Variants in KCNB2 observed in about 807,000 individuals in gnomAD.
The protein encoded by KCNB2 is potassium voltage-gated channel subfamily B member 2, also known as delayed rectifier potassium channel protein.
KCNB2 carries 15 observed loss-of-function variants against 61.5 expected under a neutral mutation model. The ratio of observed to expected loss-of-function variants is 0.24; its 90% CI spans 0.16 to 0.38. KCNB2 has a LOEUF of 0.38. Ranked by LOEUF, KCNB2 falls within the 10% of genes least tolerant of loss-of-function variation. KCNB2 has a pLI of 1.00. For missense variants in KCNB2, 828 were observed against 1,125.2 expected (o/e 0.74, Z 3.78); for synonymous variants, 457 against 446.0 (o/e 1.02, Z -0.31).
chr8:72,720,287 T>C (rs1223512101), intron 2 of KCNB2, among the ~76,000 whole-genome samples: 1 of 152,204 alleles, frequency 6.6e-6, no homozygotes, highest in Non-Finnish European at 1.5e-5. Flanking sequence ...ATAATGGTCA[T>C]GTATAGAAGA....
At chr8:72,764,806 G>A (rs547430507) in intron 2 of KCNB2, among the ~76,000 whole-genome samples, 5 of 152,136 alleles carry the variant, frequency 3.3e-5, no homozygotes, top group Admixed American at 6.6e-5. Flanking sequence ...AGCACTAAGA[G>A]GCTGGCTTGT....
At chr8:72,919,994 G>A (rs183049849) in intron 2 of KCNB2, among the ~76,000 whole-genome samples, 2,745 of 152,158 alleles carry the variant, frequency 0.018, 38 homozygotes, top group Non-Finnish European at 0.027. Context: ...ATTACCTGAA[G>A]AGTAGATGCC....
chr8:72,868,569 A>G (rs1013252315), intron 2 of KCNB2, among the ~76,000 whole-genome samples: 2 of 151,884 alleles, frequency 1.3e-5, no homozygotes, highest in African/African-American at 4.8e-5. Context: ...AAAGCAAGAC[A>G]CTGTCTCAAA....
rs1377377565 is a variant in KCNB2, at chr8:72,912,671, T to G, written c.580-23264T>G. ...AGTACTAGGATTATCAGTATCCTCC[T>G]TTTATATATGAAGAAACTGAAGTGC... On this transcript the variant is annotated intron_variant, in intron 2 of 2. Transcript: ENST00000523207. 2.0e-5 allele frequency among the ~76,000 whole-genome samples: 3 copies of G among 152,156 alleles called. No individual in the cohort carries two copies. The East Asian group carries it at 5.8e-4, about 29-fold the overall frequency.
In KCNB2 at chr8:72,936,489, C is replaced by T; in HGVS notation, c.1134C>T (p.Thr378=). 1 of 1,614,212 alleles carries T rather than the reference C, an allele frequency of 6.2e-7. No homozygotes were observed. Among genetic ancestry groups the T allele is most frequent in the Non-Finnish European group, 8.5e-7 (1 of 1,180,038 alleles). ...CATCATTTTGGTGGGCCACCATCAC[C>T]ATGACCACTGTTGGCTATGGTGACA... ...IPASFWWATI[T]MTTVGYGDIY... is the part of the protein sequence containing the mutation. Residue 378 remains threonine, a synonymous_variant, in exon 3 of 3, where the codon ACC becomes ACT. Transcript: ENST00000523207. The surrounding 1 kb of genome is among the most constrained non-coding windows in gnomAD (Gnocchi z 5.6).
intron 1 of KCNB2, among the ~76,000 whole-genome samples, chr8:72,564,166 T>A (rs1303778279): frequency 6.6e-6 from 1 of 152,160 alleles, no homozygotes; most frequent in African/African-American, 2.4e-5. Flanking sequence ...AAAGGAAAAT[T>A]CACTATACAC....
chr8:72,648,482 T>C (rs1275877905), intron 2 of KCNB2, among the ~76,000 whole-genome samples: 3 of 151,924 alleles, frequency 2.0e-5, no homozygotes, highest in South Asian at 4.1e-4. Flanking sequence ...CTATGTTGCC[T>C]AGGCTGGTCG....
chr8:72,567,789 T>C lies in KCNB2; in HGVS notation c.55T>C (p.Ser19Pro). 1.2e-6 allele frequency: 2 copies of C among 1,609,828 alleles called. No individual in the cohort carries two copies. The highest frequency in any genetic ancestry group is 1.7e-6 in the Non-Finnish European group (2 of 1,178,476). ...CAGGAAGACTTCAAGGTCGACACTT[T>C]CCCTTCCTCCAGAGCCTGTGGACAT... is the stretch of plus-strand genomic sequence containing the variant. ...LNRKTSRSTL[S>P]LPPEPVDIIR... Residue 19 changes from serine (S) to proline (P), a missense_variant, in exon 2 of 3, where the codon TCC becomes CCC. Physicochemically the swap from Ser to Pro is moderately conservative, Grantham distance 74. Around this residue, in one of 4 missense-constraint regions of KCNB2, gnomAD observed 62 missense variants for 54.8 expected, o/e 1.13. Transcript: ENST00000523207.
intron 2 of KCNB2, among the ~76,000 whole-genome samples, chr8:72,794,410 A>C (rs2128998950): frequency 6.6e-6 from 1 of 151,998 alleles, no homozygotes; most frequent in East Asian, 1.9e-4. Context: ...ACTAAAATAC[A>C]AAAAATTAGC....
At chr8:72,650,375 C>T (rs574101365) in intron 2 of KCNB2, among the ~76,000 whole-genome samples, 3 of 152,204 alleles carry the variant, frequency 2.0e-5, no homozygotes, top group African/African-American at 7.2e-5. Context: ...ATAGTTTTGC[C>T]CCTGCTCACC....
chr8:72,937,900 G>A lies in KCNB2; in HGVS notation c.2545G>A (p.Gly849Ser). Residue 849 changes from glycine to serine, a missense_variant, in exon 3 of 3, where the codon GGC (glycine) becomes AGC (serine). Gly to Ser is a moderately conservative substitution (Grantham distance 56, BLOSUM62 0). Around this residue, in one of 4 missense-constraint regions of KCNB2, gnomAD observed 559 missense variants for 588.4 expected, o/e 0.95. Coordinates refer to ENST00000523207, the MANE Select transcript of KCNB2 (RefSeq NM_004770.3). ...SDGRDPLREE[G>S]SVGSSSPQDT... Reference sequence around the variant, plus strand: ...TGGGAGAGACCCTTTAAGAGAAGAGGGCAGTGTGGGCTCTTCCTCCCCGCA... The same window carrying A: ...TGGGAGAGACCCTTTAAGAGAAGAGAGCAGTGTGGGCTCTTCCTCCCCGCA... 6.2e-7 allele frequency: 1 copy of A among 1,614,036 alleles called. No individual in the cohort carries two copies. Among genetic ancestry groups the A allele is most frequent in the Non-Finnish European group, 8.5e-7 (1 of 1,179,994 alleles).
At chr8:72,870,687 A>G (rs1206187091) in intron 2 of KCNB2, among the ~76,000 whole-genome samples, 1 of 152,224 alleles carries the variant, frequency 6.6e-6, no homozygotes, top group African/African-American at 2.4e-5. Context: ...GAGGTAATGT[A>G]TACAAAATAC....
Position 72,654,638 on chromosome 8 carries a change from T to TTAC in KCNB2, c.579+86327_579+86329dup, listed in dbSNP as rs199825181. Among the ~76,000 whole-genome samples, 803 of 152,312 alleles carry TTAC rather than the reference T, an allele frequency of 5.3e-3. 10 individuals are homozygous for TTAC. Among genetic ancestry groups the TTAC allele is most frequent in the African/African-American group, 0.018 (755 of 41,574 alleles). ...AAAAAATTTAGATTCTTTGTATCAT[T>TTAC]TACTGCTTTTTCAGATTCTTCAAGT... is the stretch of plus-strand genomic sequence containing the variant. On this transcript the variant is annotated intron_variant, in intron 2 of 2. Coordinates refer to ENST00000523207, the MANE Select transcript of KCNB2 (RefSeq NM_004770.3).
intron 2 of KCNB2, among the ~76,000 whole-genome samples, chr8:72,705,514 A>G (rs943316537): frequency 2.0e-5 from 3 of 152,192 alleles, no homozygotes; most frequent in African/African-American, 7.2e-5. Context: ...CATTGGAGAC[A>G]CTCTGCCTGG....
chr8:72,856,608 T>C (rs1810212105), intron 2 of KCNB2, among the ~76,000 whole-genome samples: 1 of 152,196 alleles, frequency 6.6e-6, no homozygotes, highest in South Asian at 2.1e-4. Flanking sequence ...CTGTAGATAG[T>C]TTAAGTATTG....
chr8:72,601,783 C>G (rs1411060691), intron 2 of KCNB2, among the ~76,000 whole-genome samples: 1 of 152,106 alleles, frequency 6.6e-6, no homozygotes, highest in Admixed American at 6.6e-5. Flanking sequence ...CTTGAAATGC[C>G]AGTTCAGTAC....
chr8:72,676,892 A>T (rs185746404), intron 2 of KCNB2, among the ~76,000 whole-genome samples: 121 of 152,112 alleles, frequency 8.0e-4, no homozygotes, highest in African/African-American at 2.7e-3. Context: ...TTTATATTGG[A>T]TCCTATTAAG....
In KCNB2 at chr8:72,575,292, A is replaced by C. The variant is rs148719898; in HGVS notation, c.579+6979A>C. Among the ~76,000 whole-genome samples, 448 of 137,196 alleles carry C rather than the reference A, an allele frequency of 3.3e-3. 3 individuals carry two copies. Among genetic ancestry groups the C allele is most frequent in the African/African-American group, 0.012 (424 of 35,820 alleles). 90.0% of individuals were successfully genotyped at this position (137,196 alleles called of 152,430 possible). On this transcript the variant is annotated intron_variant, in intron 2 of 2. Transcript: ENST00000523207. ...CAGAGAATCTCATAAGGATTGGTACATTGATATATATGGTATATATTGATA... is the reference window on the plus strand; with the variant it reads ...CAGAGAATCTCATAAGGATTGGTACCTTGATATATATGGTATATATTGATA...
At chr8:72,775,847 T>C (rs558709233) in intron 2 of KCNB2, among the ~76,000 whole-genome samples, 1 of 152,286 alleles carries the variant, frequency 6.6e-6, no homozygotes, top group African/African-American at 2.4e-5. Context: ...GTGTGGTGAT[T>C]CCTCAAGGAT....
Sources: gnomAD v4.1 joint callset for allele counts (sites outside exome capture counted in the v4.1 genomes callset) on GRCh38, gnomAD v4.1.1 for gene constraint, gnomAD v4.1.1 regional missense constraint, Gnocchi (gnomAD v3.1) non-coding constraint, MANE v1.5 for transcripts, NCBI Gene and HGNC (gene_info 2026-07-23, HGNC 2026-07-21) for gene names.